Variants in TMC2 observed in about 807,000 individuals in gnomAD.
TMC2 encodes transmembrane channel like 2.
A neutral mutation model predicts 105.9 loss-of-function variants in TMC2; 102 were observed. The observed-to-expected ratio is 0.96, with a 90% CI of 0.82 to 1.14. TMC2 has a LOEUF of 1.14. TMC2 is among the 50% of genes most tolerant of loss of function. TMC2 has a pLI of 0.00. For synonymous variants in TMC2, 402 were observed against 422.8 expected, an observed-to-expected ratio of 0.95 and a Z score of 0.60; for missense variants, 1,093 against 1,134.3, an observed-to-expected ratio of 0.96 and a Z score of 0.52.
At chr20:2,573,986 A>G (rs1043591030) in intron 5 of TMC2, among the ~76,000 whole-genome samples, 11 of 152,214 alleles carry the variant, frequency 7.2e-5, no homozygotes, top group African/African-American at 1.9e-4. Context: ...AACAGCATCA[A>G]TTGATAATGG....
chr20:2,609,744 G>A (rs1568523232), intron 11 of TMC2, among the ~76,000 whole-genome samples: 1 of 152,192 alleles, frequency 6.6e-6, no homozygotes, highest in Non-Finnish European at 1.5e-5. Context: ...ACCAAGCCAA[G>A]GGTCAGTGTG....
chr20:2,572,336 T>C, intron 5 of TMC2, 67 bp downstream of exon 5: 1 of 1,278,458 alleles, frequency 7.8e-7, no homozygotes. Context: ...GGCGACCAAC[T>C]TCGGCAACTG....
chr20:2,621,717 A>G (rs565700742), intron 16 of TMC2, among the ~76,000 whole-genome samples: 19 of 152,178 alleles, frequency 1.2e-4, no homozygotes, highest in Admixed American at 2.6e-4. Context: ...TTGGATTTCA[A>G]AATTGCTTGA....
intron 2 of TMC2, among the ~76,000 whole-genome samples, chr20:2,553,818 C>T (rs944275487): frequency 2.0e-5 from 3 of 152,104 alleles, no homozygotes; most frequent in Admixed American, 6.6e-5. Context: ...AGGAATTTGT[C>T]GAGTTCTTCT....
chr20:2,626,582 G>A (rs1174233597), intron 17 of TMC2, among the ~76,000 whole-genome samples: 1 of 152,256 alleles, frequency 6.6e-6, no homozygotes, highest in Non-Finnish European at 1.5e-5. Context: ...CAAGATTCTA[G>A]AAGCACATGT....
At chr20:2,606,583 C>T (rs1398271420) in intron 11 of TMC2, among the ~76,000 whole-genome samples, 2 of 152,232 alleles carry the variant, frequency 1.3e-5, no homozygotes, top group Admixed American at 6.5e-5. Context: ...AAATGTTAGG[C>T]AGATTCAAAT....
At position 2,610,446 on chromosome 20, in the gene TMC2, A is replaced by ACATC; in HGVS notation, c.1441_1442insCATC (p.Met481ThrfsTer9). On this transcript the variant is annotated frameshift_variant, in exon 12 of 20. Transcript: ENST00000358864. LOFTEE classifies it high-confidence loss of function. Reference sequence around the variant, plus strand: ...AGAGATCGTGATGTCCCTGCTTGGAATGTTTTGTCCCCCTCTGTTTGAAAC... The same window carrying ACATC: ...AGAGATCGTGATGTCCCTGCTTGGAACATCTGTTTTGTCCCCCTCTGTTTGAAAC... 6.2e-7 allele frequency: 1 copy of ACATC among 1,612,272 alleles called. No homozygotes were observed.
chr20:2,589,325 G>GTGTGTGTGT lies in TMC2; in HGVS notation c.835-2985_835-2984insTGTGTGTGT, dbSNP rs2086253293. Among the ~76,000 whole-genome samples the GTGTGTGTGT allele has an allele frequency of 1.0e-4, 3 of 28,662 alleles. 1 individual carries two copies. The highest frequency in any genetic ancestry group is 3.8e-4 in the African/African-American group (2 of 5,322). The allele number at this position is 28,662 out of a possible 152,430, so 18.8% of individuals were successfully genotyped here. A position where few individuals can be genotyped will look rare whatever the true frequency, so the allele number is the denominator to read the frequency against. On this transcript the variant is annotated intron_variant, in intron 7 of 19. Transcript: ENST00000358864. Reference sequence around the variant, plus strand: ...GTGTGTGTGTGTGTGTGTGTGTGTGGAGATGGGGTTTTTCCATGTTGCCCC... The same window carrying GTGTGTGTGT: ...GTGTGTGTGTGTGTGTGTGTGTGTGGTGTGTGTGTAGATGGGGTTTTTCCATGTTGCCCC...
chr20:2,637,750 T>C (rs1370745088), intron 19 of TMC2, among the ~76,000 whole-genome samples, 159 bp downstream of exon 19: 2 of 152,156 alleles, frequency 1.3e-5, no homozygotes, highest in South Asian at 2.1e-4. Context: ...GGGTCAATCA[T>C]AGCACCTGCC....
At position 2,564,150 on chromosome 20, in the gene TMC2, C is replaced by CCTTT. The variant is rs757939074; in HGVS notation, c.554+2140_554+2141insCTTT. 2.0e-3 allele frequency among the ~76,000 whole-genome samples: 239 copies of CCTTT among 120,056 alleles called. 1 individual carries two copies. The highest frequency in any genetic ancestry group is 7.5e-3 in the African/African-American group (230 of 30,710). The allele number at this position is 120,056 out of a possible 152,430, so 78.8% of individuals were successfully genotyped here. ...GGACTGTCTTCCTTCTCAGCCTCCT[C>CCTTT]TTTTTTTTTTTTTTTTTTGAGATGG... On this transcript the variant is annotated intron_variant, in intron 4 of 19. Transcript: ENST00000358864.
chr20:2,551,139 T>A (rs1228444111), intron 2 of TMC2, among the ~76,000 whole-genome samples: 1 of 152,230 alleles, frequency 6.6e-6, no homozygotes, highest in African/African-American at 2.4e-5. Context: ...TACATTTTTT[T>A]ATAGCATTTT....
intron 17 of TMC2, among the ~76,000 whole-genome samples, chr20:2,624,653 A>G (rs2086551432): frequency 6.6e-6 from 1 of 152,182 alleles, no homozygotes; most frequent in African/African-American, 2.4e-5. Context: ...CCCTAAGGGC[A>G]AAGGATCCGA....
chr20:2,577,949 T>G (rs2086159166), intron 5 of TMC2, among the ~76,000 whole-genome samples: 1 of 151,890 alleles, frequency 6.6e-6, no homozygotes, highest in Admixed American at 6.6e-5. Flanking sequence ...CCCCTTCTTT[T>G]CACAGGTGCG....
At chr20:2,559,444 C>T (rs1320653174) in intron 3 of TMC2, among the ~76,000 whole-genome samples, 1 of 152,174 alleles carries the variant, frequency 6.6e-6, no homozygotes, top group Non-Finnish European at 1.5e-5. Flanking sequence ...TTTTTGTTAT[C>T]AATTTTAATA....
At position 2,637,459 on chromosome 20, in the gene TMC2, C is replaced by T; in HGVS notation, c.2386-15C>T. On this transcript the variant is annotated splice_polypyrimidine_tract_variant and intron_variant, in intron 18 of 19. Coordinates refer to ENST00000358864, the MANE Select transcript of TMC2 (RefSeq NM_080751.3). Reference sequence around the variant, plus strand: ...ATTTCCTGGGCCAGGACCAACAGTTCATTATTTCCTGCAGCTCCGTGAAGT... The same window carrying T: ...ATTTCCTGGGCCAGGACCAACAGTTTATTATTTCCTGCAGCTCCGTGAAGT... The T allele has an allele frequency of 3.2e-6, 5 of 1,568,236 alleles. No individual in the cohort carries two copies. In the Middle Eastern group the frequency reaches 6.7e-4, roughly 211 times the overall value.
intron 18 of TMC2, among the ~76,000 whole-genome samples, chr20:2,636,496 A>ACG (rs2086645922): frequency 6.7e-6 from 1 of 149,408 alleles, no homozygotes; most frequent in Non-Finnish European, 1.5e-5. Flanking sequence ...ACACACACGC[A>ACG]CACACCCTAA....
intron 4 of TMC2, among the ~76,000 whole-genome samples, chr20:2,565,329 GCC>G (rs2086056088): frequency 6.6e-6 from 1 of 152,210 alleles, no homozygotes; most frequent in Non-Finnish European, 1.5e-5. Flanking sequence ...GAAGACTGAG[GCC>G]ACACAGCAAG....
At chr20:2,543,266 A>C (rs1483426323) in intron 2 of TMC2, among the ~76,000 whole-genome samples, 1 of 152,036 alleles carries the variant, frequency 6.6e-6, no homozygotes, top group Non-Finnish European at 1.5e-5. Context: ...AACAAAACAC[A>C]TTTATCTAAG....
At chr20:2,568,308 C>T (rs2086078441) in intron 4 of TMC2, among the ~76,000 whole-genome samples, 1 of 152,156 alleles carries the variant, frequency 6.6e-6, no homozygotes, top group South Asian at 2.1e-4. Flanking sequence ...CCATGAAGGG[C>T]ATGCCCTTTG....
Sources: gnomAD v4.1 joint callset for allele counts (sites outside exome capture counted in the v4.1 genomes callset) on GRCh38, gnomAD v4.1.1 for gene constraint, MANE v1.5 for transcripts, NCBI Gene and HGNC (gene_info 2026-07-23, HGNC 2026-07-21) for gene names.